DLG2: variants seen among roughly 807,000 people sequenced by gnomAD.
DLG2 encodes discs large MAGUK scaffold protein 2.
In DLG2, 45 loss-of-function variants were observed where a neutral mutation model predicts 132.5. The ratio of observed to expected loss-of-function variants is 0.34; its 90% CI spans 0.27 to 0.44. The LOEUF (loss-of-function observed/expected upper bound fraction) is 0.44, where lower values mean the gene tolerates loss of function less well. Ranked by LOEUF, DLG2 falls within the 20% of genes least tolerant of loss-of-function variation. The pLI is 1.00. For missense variants in DLG2, 1,045 were observed against 1,196.9 expected (o/e 0.87, Z 1.87); for synonymous variants, 424 against 419.6 (o/e 1.01, Z -0.13).
intron 15 of DLG2, among the ~76,000 whole-genome samples, chr11:83,891,554 A>G (rs1418858155): frequency 6.6e-6 from 1 of 152,196 alleles, no homozygotes; most frequent in African/African-American, 2.4e-5. Context: ...AAACAGCTGG[A>G]AAAGGGTTAG....
intron 6 of DLG2, among the ~76,000 whole-genome samples, chr11:84,662,887 G>A (rs1387509866): frequency 6.6e-6 from 1 of 151,656 alleles, no homozygotes; most frequent in African/African-American, 2.4e-5. Flanking sequence ...AAAAGGTGGA[G>A]CTATAAGTCT....
At chr11:84,483,349 T>C (rs1224737199) in intron 7 of DLG2, among the ~76,000 whole-genome samples, 1 of 149,614 alleles carries the variant, frequency 6.7e-6, no homozygotes, top group Non-Finnish European at 1.5e-5. Context: ...GAAGAATCCC[T>C]TGAGCCCGGG....
chr11:84,988,773 A>G (rs1414250946), intron 6 of DLG2, among the ~76,000 whole-genome samples: 4 of 152,172 alleles, frequency 2.6e-5, no homozygotes, highest in Admixed American at 2.6e-4. Context: ...GGTGTAATAT[A>G]TACTTCTCAG....
At position 83,494,241 on chromosome 11, in the gene DLG2, AC is replaced by A. The variant is rs532346004; in HGVS notation, c.2194-10014del. 1.4e-3 allele frequency among the ~76,000 whole-genome samples: 219 copies of A among 151,926 alleles called. 1 individual carries two copies. Among genetic ancestry groups the A allele is most frequent in the African/African-American group, 4.6e-3 (189 of 41,424 alleles). ...TTAAGTCCTAATTATTTATAGACTA[AC>A]CAAAATGAATTGTACTGATAATTAC... is the stretch of plus-strand genomic sequence containing the variant. On this transcript the variant is annotated intron_variant, in intron 21 of 27. Transcript: ENST00000376104.
chr11:85,459,703 C>T (rs1308326907), intron 3 of DLG2, among the ~76,000 whole-genome samples: 2 of 152,080 alleles, frequency 1.3e-5, no homozygotes, highest in Non-Finnish European at 2.9e-5. Flanking sequence ...TGCTTTCACA[C>T]CAAGAGTGGT....
intron 15 of DLG2, among the ~76,000 whole-genome samples, chr11:83,875,970 CTG>C (rs1165724098): frequency 6.6e-6 from 1 of 152,194 alleles, no homozygotes; most frequent in Non-Finnish European, 1.5e-5. Context: ...AAGTTAAAGA[CTG>C]TGTTTCCTGG....
At chr11:84,248,876 C>T (rs950974069) in intron 8 of DLG2, among the ~76,000 whole-genome samples, 1 of 151,994 alleles carries the variant, frequency 6.6e-6, no homozygotes, top group African/African-American at 2.4e-5. Flanking sequence ...TCTGTCTCAA[C>T]AGCAACAACA....
chr11:83,720,907 A>C (rs771263107), intron 18 of DLG2: 7 of 152,028 alleles, frequency 4.6e-5, no homozygotes, highest in Non-Finnish European at 8.8e-5. Flanking sequence ...GCGGGAAGAA[A>C]CCAACCTACC....
chr11:83,629,592 G>T (rs2063218627), intron 19 of DLG2, among the ~76,000 whole-genome samples: 2 of 152,016 alleles, frequency 1.3e-5, no homozygotes, highest in South Asian at 4.1e-4. Context: ...CATATCTTTG[G>T]CTTCTCCTAG....
intron 6 of DLG2, among the ~76,000 whole-genome samples, chr11:84,574,908 C>T (rs577394207): frequency 2.0e-5 from 3 of 152,200 alleles, no homozygotes; most frequent in African/African-American, 7.2e-5. Context: ...CAGCATCTAC[C>T]CAGCCAACTG....
At chr11:83,696,064 A>G (rs1022306270) in intron 18 of DLG2, among the ~76,000 whole-genome samples, 12 of 152,192 alleles carry the variant, frequency 7.9e-5, no homozygotes, top group Non-Finnish European at 1.2e-4. Flanking sequence ...CAGAGTGAAC[A>G]TGATCTGATT....
At position 84,652,207 on chromosome 11, in the gene DLG2, T is replaced by G. The variant is rs183027006; in HGVS notation, c.358-117476A>C. Among the ~76,000 whole-genome samples the G allele has an allele frequency of 1.1e-4, 17 of 152,320 alleles. No homozygotes were observed. The East Asian group carries it at 3.1e-3, about 28-fold the overall frequency. ...TTTCCAAAGTTTGTCATAACTTTGA[T>G]GCAAAACTAAGTTAGACATTTGTGT... is the stretch of plus-strand genomic sequence containing the variant. On this transcript the variant is annotated intron_variant, in intron 6 of 27. Coordinates refer to ENST00000376104, the MANE Select transcript of DLG2 (RefSeq NM_001142699.3).
intron 7 of DLG2, among the ~76,000 whole-genome samples, chr11:84,504,875 G>T (rs1049600611): frequency 3.3e-5 from 5 of 151,908 alleles, no homozygotes; most frequent in African/African-American, 1.2e-4. Context: ...TCATCTATTT[G>T]CAAATAAGTT....
At chr11:84,355,010 G>C (rs2098602585) in intron 7 of DLG2, among the ~76,000 whole-genome samples, 1 of 152,028 alleles carries the variant, frequency 6.6e-6, no homozygotes, top group Non-Finnish European at 1.5e-5. Flanking sequence ...CTTCTCTCCT[G>C]AACAAGGTAA....
At chr11:84,863,695 A>T (rs1019527441) in intron 6 of DLG2, among the ~76,000 whole-genome samples, 2 of 152,336 alleles carry the variant, frequency 1.3e-5, no homozygotes, top group East Asian at 3.9e-4. Flanking sequence ...TGATGAAGAG[A>T]TAAAATGGAA....
In DLG2 at chr11:84,780,613, A is replaced by T. The variant is rs193229827; in HGVS notation, c.358-245882T>A. 3.0e-3 allele frequency among the ~76,000 whole-genome samples: 460 copies of T among 152,158 alleles called. 3 individuals are homozygous for T. The highest frequency in any genetic ancestry group is 4.4e-3 in the Non-Finnish European group (297 of 67,964). ...TGAATTCTGATTGCCTAACATCCTT[A>T]TCCACATTTGGTACTGTCATTTGTT... On this transcript the variant is annotated intron_variant, in intron 6 of 27. Transcript: ENST00000376104.
intron 7 of DLG2, among the ~76,000 whole-genome samples, chr11:84,396,453 C>T (rs1020754492): frequency 6.6e-6 from 1 of 152,172 alleles, no homozygotes; most frequent in Non-Finnish European, 1.5e-5. Flanking sequence ...ATGTACCAGA[C>T]AGCACAACAT....
intron 17 of DLG2, chr11:83,790,623 T>G: frequency 7.7e-7 from 1 of 1,296,550 alleles, no homozygotes; most frequent in Non-Finnish European, 1.1e-6. Flanking sequence ...GATTTGATTA[T>G]TTTGCATTGG....
At chr11:84,522,669 C>T (rs1407818697) in intron 7 of DLG2, among the ~76,000 whole-genome samples, 1 of 152,180 alleles carries the variant, frequency 6.6e-6, no homozygotes, top group East Asian at 1.9e-4. Context: ...ACCTTCTCTA[C>T]CATGTTTTCT....
Sources: gnomAD v4.1 joint callset for allele counts (sites outside exome capture counted in the v4.1 genomes callset) on GRCh38, gnomAD v4.1.1 for gene constraint, MANE v1.5 for transcripts, NCBI Gene and HGNC (gene_info 2026-07-23, HGNC 2026-07-21) for gene names.